The following RAD51B variants were observed in gnomAD, a reference collection of about 807,000 sequenced individuals.
RAD51B encodes the protein DNA repair protein RAD51 homolog 2.
A neutral mutation model predicts 42.2 loss-of-function variants in RAD51B; 38 were observed. The ratio of observed to expected loss-of-function variants is 0.90; its 90% CI spans 0.70 to 1.18. The LOEUF (loss-of-function observed/expected upper bound fraction) is 1.18, where lower values mean the gene tolerates loss of function less well. Ranked by LOEUF, RAD51B falls within the 50% of genes most tolerant of loss-of-function variation. RAD51B has a pLI of 0.00. For missense variants in RAD51B, 373 were observed against 400.7 expected, an observed-to-expected ratio of 0.93 and a Z score of 0.59; for synonymous variants, 154 against 145.2, an observed-to-expected ratio of 1.06 and a Z score of -0.43.
chr14:67,829,193 C>T (rs917299874), intron 3 of RAD51B, among the ~76,000 whole-genome samples: 10 of 151,868 alleles, frequency 6.6e-5, no homozygotes, highest in African/African-American at 2.4e-4. Flanking sequence ...TTGAAGAGGT[C>T]CTTCACATCC....
At chr14:68,213,573 A>G (rs991797879) in intron 7 of RAD51B, among the ~76,000 whole-genome samples, 8 of 152,228 alleles carry the variant, frequency 5.3e-5, no homozygotes, top group Non-Finnish European at 1.0e-4. Context: ...ATTTAGGGAC[A>G]TTAGTTGGTG....
intron 7 of RAD51B, among the ~76,000 whole-genome samples, chr14:68,189,864 C>T (rs1178812343): frequency 2.6e-5 from 4 of 152,040 alleles, no homozygotes; most frequent in Admixed American, 6.6e-5. Flanking sequence ...TTAGATTTCA[C>T]GATGTTGATC....
At chr14:68,578,007 C>T (rs1327497421) in intron 10 of RAD51B, among the ~76,000 whole-genome samples, 1 of 152,238 alleles carries the variant, frequency 6.6e-6, no homozygotes, top group African/African-American at 2.4e-5. Flanking sequence ...ACTGGTCTTC[C>T]TGATTCTGTG....
chr14:68,272,341 C>A lies in RAD51B; in HGVS notation c.757-19543C>A, dbSNP rs570236657. Among the ~76,000 whole-genome samples, 10 of 152,198 alleles carry A rather than the reference C, an allele frequency of 6.6e-5. No homozygotes were observed. The South Asian group carries it at 2.1e-3, about 32-fold the overall frequency. On this transcript the variant is annotated intron_variant, in intron 7 of 10. Transcript: ENST00000471583. Reference sequence around the variant, plus strand: ...GTGTGACTCTCAGCAAGACACTTCGCTGCCGCTGAGAACCACACCCACTAA... The same window carrying A: ...GTGTGACTCTCAGCAAGACACTTCGATGCCGCTGAGAACCACACCCACTAA...
intron 8 of RAD51B, among the ~76,000 whole-genome samples, chr14:68,312,850 A>C (rs1276349929): frequency 2.6e-5 from 4 of 152,214 alleles, no homozygotes; most frequent in Admixed American, 2.0e-4. Flanking sequence ...TTGTTAGCAA[A>C]GTAGCCTGGT....
At chr14:67,893,622 G>A (rs1377523345) in intron 7 of RAD51B, among the ~76,000 whole-genome samples, 1 of 151,986 alleles carries the variant, frequency 6.6e-6, no homozygotes, top group Non-Finnish European at 1.5e-5. Context: ...AATGAGCTAT[G>A]AACATGCCAC....
At chr14:67,964,282 C>A (rs891562636) in intron 7 of RAD51B, among the ~76,000 whole-genome samples, 1 of 151,918 alleles carries the variant, frequency 6.6e-6, no homozygotes, top group African/African-American at 2.4e-5. Context: ...GGGATTCTGG[C>A]GAGAAAGAAA....
At chr14:68,479,193 G>A (rs1433465693), downstream of RAD51B, among the ~76,000 whole-genome samples, 1 of 152,180 alleles carries the variant, frequency 6.6e-6, no homozygotes, top group Non-Finnish European at 1.5e-5. Flanking sequence ...TAGAATGTTG[G>A]TGAAAACCAA....
intron 7 of RAD51B, among the ~76,000 whole-genome samples, chr14:68,242,286 C>G (rs2080405111): frequency 6.6e-6 from 1 of 152,180 alleles, no homozygotes; most frequent in Non-Finnish European, 1.5e-5. Context: ...GCTGTCCTAC[C>G]CAGGGAGTGG....
chr14:68,024,477 A>T (rs1442381353), intron 7 of RAD51B, among the ~76,000 whole-genome samples: 1 of 152,090 alleles, frequency 6.6e-6, no homozygotes, highest in Admixed American at 6.5e-5. Context: ...TCATGGAATA[A>T]TGTTTCTTCA....
chr14:68,470,806 C>T (rs1428261360), intron 10 of RAD51B: 2 of 411,130 alleles, frequency 4.9e-6, no homozygotes, highest in Non-Finnish European at 9.1e-6. Flanking sequence ...TTGTTGTAAC[C>T]ATCCTGCGGG....
chr14:67,921,967 G>A (rs564558403), intron 7 of RAD51B, among the ~76,000 whole-genome samples: 3 of 152,258 alleles, frequency 2.0e-5, no homozygotes, highest in African/African-American at 7.2e-5. Flanking sequence ...CTGACTACCA[G>A]GATAGGCTTT....
At chr14:68,463,230 A>T (rs1450043749) in intron 9 of RAD51B, among the ~76,000 whole-genome samples, 1 of 152,186 alleles carries the variant, frequency 6.6e-6, no homozygotes, top group Non-Finnish European at 1.5e-5. Flanking sequence ...ATGGGGCATT[A>T]ATTCAGATCA....
At chr14:68,083,508 C>T (rs959364868) in intron 7 of RAD51B, among the ~76,000 whole-genome samples, 6 of 152,114 alleles carry the variant, frequency 3.9e-5, no homozygotes, top group African/African-American at 9.7e-5. Context: ...ATTTTGCGCT[C>T]GTTGTATCAT....
At chr14:68,421,122 T>A (rs561411465) in intron 9 of RAD51B, among the ~76,000 whole-genome samples, 294 of 152,332 alleles carry the variant, frequency 1.9e-3, no homozygotes, top group African/African-American at 6.7e-3. Context: ...AGCTTCTTCT[T>A]GCTTTTTTTC....
At chr14:68,570,873 C>CCACACACG (rs1555427594) in intron 10 of RAD51B, among the ~76,000 whole-genome samples, 4 of 150,242 alleles carry the variant, frequency 2.7e-5, no homozygotes, top group Admixed American at 6.6e-5. Flanking sequence ...GGCTGGAGCG[C>CCACACACG]CACACACACA....
chr14:68,673,319 AC>A (rs1323559471), intron 11 of RAD51B, among the ~76,000 whole-genome samples: 1 of 152,192 alleles, frequency 6.6e-6, no homozygotes, highest in African/African-American at 2.4e-5. Context: ...ACATGCACAC[AC>A]ATACACACAT....
At chr14:67,943,508 A>G (rs1186607559) in intron 7 of RAD51B, among the ~76,000 whole-genome samples, 1 of 152,136 alleles carries the variant, frequency 6.6e-6, no homozygotes, top group Non-Finnish European at 1.5e-5. Flanking sequence ...CTGGCCATCT[A>G]TATCCATCCA....
chr14:68,062,258 T>C (rs563742099), intron 7 of RAD51B, among the ~76,000 whole-genome samples: 9 of 152,366 alleles, frequency 5.9e-5, no homozygotes, highest in African/African-American at 1.9e-4. Context: ...TTGATCATGA[T>C]GCATAACCTT....
Sources: gnomAD v4.1 joint callset for allele counts (sites outside exome capture counted in the v4.1 genomes callset) on GRCh38, gnomAD v4.1.1 for gene constraint, MANE v1.5 for transcripts, NCBI Gene and HGNC (gene_info 2026-07-23, HGNC 2026-07-21) for gene names.